CNTNAP2: variants seen among roughly 807,000 people sequenced by gnomAD.
CNTNAP2 encodes the protein contactin-associated protein-like 2.
A neutral mutation model predicts 155.2 loss-of-function variants in CNTNAP2; 98 were observed. The ratio of observed to expected loss-of-function variants is 0.63; its 90% CI spans 0.54 to 0.75. CNTNAP2 has a LOEUF of 0.75. CNTNAP2 is among the 30% of genes least tolerant of loss of function. The pLI, the probability that CNTNAP2 is intolerant of heterozygous loss-of-function variation, is 0.00. For missense variants in CNTNAP2, 1,727 were observed against 1,688.1 expected (o/e 1.02, Z -0.40); for synonymous variants, 651 against 631.2 (o/e 1.03, Z -0.47).
At chr7:148,349,320 T>G (rs1798376912) in intron 21 of CNTNAP2, among the ~76,000 whole-genome samples, 1 of 151,760 alleles carries the variant, frequency 6.6e-6, no homozygotes, top group Non-Finnish European at 1.5e-5. Context: ...TGGGCCACAT[T>G]GGAAGAAGAA....
At chr7:146,142,363 C>G (rs115200658) in intron 1 of CNTNAP2, among the ~76,000 whole-genome samples, 2,124 of 152,260 alleles carry the variant, frequency 0.014, 44 homozygotes, top group African/African-American at 0.047. Flanking sequence ...CAGACACTTG[C>G]CCCTTCAGTG....
At chr7:148,177,896 T>TTTTG (rs990328399) in intron 18 of CNTNAP2, among the ~76,000 whole-genome samples, 1 of 10,248 alleles carries the variant, frequency 9.8e-5, no homozygotes, top group African/African-American at 7.6e-4. Context: ...ACAGACACTG[T>TTTTG]TTTTTTTTTT....
intron 1 of CNTNAP2, among the ~76,000 whole-genome samples, chr7:146,220,313 A>T (rs143307502): frequency 6.6e-6 from 1 of 152,010 alleles, no homozygotes; most frequent in African/African-American, 2.4e-5. Flanking sequence ...CTAGTTTTCA[A>T]TGAAATTTTC....
intron 1 of CNTNAP2, among the ~76,000 whole-genome samples, chr7:146,701,061 A>G (rs1391926745): frequency 6.6e-6 from 1 of 151,820 alleles, no homozygotes. Flanking sequence ...AAAAAAGTAG[A>G]TCAAACAAGG....
chr7:148,399,524 A>G (rs1799539851), intron 22 of CNTNAP2, among the ~76,000 whole-genome samples: 1 of 152,204 alleles, frequency 6.6e-6, no homozygotes, highest in African/African-American at 2.4e-5. Context: ...CCTCCCTGAT[A>G]AACTTGCTTT....
intron 13 of CNTNAP2, among the ~76,000 whole-genome samples, chr7:147,778,231 T>C (rs1396582018): frequency 6.6e-6 from 1 of 152,262 alleles, no homozygotes; most frequent in Non-Finnish European, 1.5e-5. Context: ...CTTTATCCAC[T>C]GCTTTCTGAA....
intron 13 of CNTNAP2, among the ~76,000 whole-genome samples, chr7:147,829,138 A>T (rs1798508357): frequency 6.6e-6 from 1 of 152,216 alleles, no homozygotes; most frequent in South Asian, 2.1e-4. Context: ...TTTCTTCAGG[A>T]CATCAGAACA....
At chr7:147,699,151 AAT>A (rs1439204885) in intron 13 of CNTNAP2, among the ~76,000 whole-genome samples, 2 of 151,916 alleles carry the variant, frequency 1.3e-5, no homozygotes, top group African/African-American at 4.8e-5. Context: ...AAAAAGAATA[AAT>A]ATATATAAAG....
At chr7:146,841,334 C>CAG (rs759187869) in intron 3 of CNTNAP2, among the ~76,000 whole-genome samples, 16 of 131,844 alleles carry the variant, frequency 1.2e-4, no homozygotes, top group African/African-American at 2.3e-4. Flanking sequence ...TAAAATTTGG[C>CAG]AGAGAGAGAG....
intron 8 of CNTNAP2, among the ~76,000 whole-genome samples, chr7:147,275,830 G>A (rs1411688026): frequency 1.3e-5 from 2 of 151,920 alleles, no homozygotes; most frequent in Admixed American, 6.6e-5. Context: ...CTATTTTGAG[G>A]TATGTTCCTT....
chr7:147,380,108 G>C (rs963445155), intron 9 of CNTNAP2, among the ~76,000 whole-genome samples: 1 of 151,980 alleles, frequency 6.6e-6, no homozygotes, highest in Non-Finnish European at 1.5e-5. Flanking sequence ...ATTATGTGAT[G>C]TGACATTACA....
chr7:146,226,128 T>C (rs888400817), intron 1 of CNTNAP2, among the ~76,000 whole-genome samples: 1 of 152,194 alleles, frequency 6.6e-6, no homozygotes, highest in African/African-American at 2.4e-5. Flanking sequence ...TCCGATTCTG[T>C]GGTGACCCAA....
intron 1 of CNTNAP2, among the ~76,000 whole-genome samples, chr7:146,384,312 AT>A (rs1331546577): frequency 6.6e-6 from 1 of 152,166 alleles, no homozygotes; most frequent in African/African-American, 2.4e-5. Context: ...TTATTGACAT[AT>A]GAAGATCAGT....
intron 21 of CNTNAP2, among the ~76,000 whole-genome samples, chr7:148,365,743 CATGTATACAT>C: frequency 1.2e-5 from 1 of 83,484 alleles, no homozygotes; most frequent in East Asian, 2.8e-4. Flanking sequence ...TATGTGTATA[CATGTATACAT>C]GTATGTGTAT....
chr7:148,238,832 A>G (rs968872847), intron 20 of CNTNAP2, among the ~76,000 whole-genome samples: 6 of 152,228 alleles, frequency 3.9e-5, no homozygotes, highest in Non-Finnish European at 7.3e-5. Context: ...GCTCAAATAA[A>G]TTATTTAAAA....
intron 8 of CNTNAP2, among the ~76,000 whole-genome samples, chr7:147,204,574 T>C (rs1262426589): frequency 6.6e-6 from 1 of 152,094 alleles, no homozygotes; most frequent in African/African-American, 2.4e-5. Context: ...AAATCAATTT[T>C]TAAAAAAATA....
chr7:147,160,826 C>T (rs993357145), intron 8 of CNTNAP2, among the ~76,000 whole-genome samples: 4 of 152,058 alleles, frequency 2.6e-5, no homozygotes, highest in African/African-American at 9.7e-5. Context: ...CTCAAATGCA[C>T]AGAGATAATT....
chr7:147,538,514 G>T (rs1240216537), intron 11 of CNTNAP2, among the ~76,000 whole-genome samples: 1 of 151,982 alleles, frequency 6.6e-6, no homozygotes, highest in East Asian at 1.9e-4. Context: ...AGCCCATGAG[G>T]TGGCACGCAT....
intron 13 of CNTNAP2, among the ~76,000 whole-genome samples, chr7:147,829,828 A>G: frequency 6.6e-6 from 1 of 152,064 alleles, no homozygotes; most frequent in South Asian, 2.1e-4. Context: ...CATCTGCTTG[A>G]ATCTTTGTGG....
Sources: gnomAD v4.1 joint callset for allele counts (sites outside exome capture counted in the v4.1 genomes callset) on GRCh38, gnomAD v4.1.1 for gene constraint, MANE v1.5 for transcripts, NCBI Gene and HGNC (gene_info 2026-07-23, HGNC 2026-07-21) for gene names.